The following PUS7 variants were observed in gnomAD, a reference collection of about 807,000 sequenced individuals.
PUS7 encodes the protein pseudouridylate synthase 7 homolog.
PUS7 carries 48 observed loss-of-function variants against 79.8 expected under a neutral mutation model. The observed-to-expected ratio is 0.60, with a 90% CI of 0.48 to 0.76. The LOEUF (loss-of-function observed/expected upper bound fraction) is 0.76. Among genes scored for constraint, PUS7 ranks in the 30% least tolerant of loss-of-function variants. The pLI, the probability that PUS7 is intolerant of heterozygous loss-of-function variation, is 0.00. For synonymous variants in PUS7, 286 were observed against 272.2 expected (o/e 1.05, Z -0.50); for missense variants, 729 against 797.6 (o/e 0.91, Z 1.04).
At chr7:105,507,511 A>G (rs180699350) in intron 2 of PUS7, among the ~76,000 whole-genome samples, 22 of 152,142 alleles carry the variant, frequency 1.4e-4, no homozygotes, top group African/African-American at 5.1e-4. Flanking sequence ...CAAACTCAGG[A>G]GAAAATCTGA....
intron 15 of PUS7, among the ~76,000 whole-genome samples, chr7:105,458,336 C>A (rs1389056662): frequency 3.3e-5 from 5 of 151,982 alleles, no homozygotes; most frequent in Admixed American, 2.6e-4. Context: ...TCTCAGCTCA[C>A]TGCAGCCTCC....
intron 9 of PUS7, among the ~76,000 whole-genome samples, chr7:105,478,305 T>C (rs1824187915): frequency 6.6e-6 from 1 of 152,248 alleles, no homozygotes; most frequent in Non-Finnish European, 1.5e-5. Context: ...AACTTTTGTG[T>C]GAACATATGA....
chr7:105,497,145 T>C (rs1463620355), intron 5 of PUS7, among the ~76,000 whole-genome samples: 1 of 152,374 alleles, frequency 6.6e-6, no homozygotes, highest in Non-Finnish European at 1.5e-5. Flanking sequence ...AACAATGGAA[T>C]GTTTTAGAGG....
At chr7:105,482,927 G>A (rs1169619427) in intron 7 of PUS7, among the ~76,000 whole-genome samples, 1 of 151,870 alleles carries the variant, frequency 6.6e-6, no homozygotes, top group Non-Finnish European at 1.5e-5. Flanking sequence ...TATTTTCATT[G>A]CCTGAAAAAA....
chr7:105,504,982 G>C (rs1273502211), intron 4 of PUS7, among the ~76,000 whole-genome samples: 2 of 151,502 alleles, frequency 1.3e-5, no homozygotes, highest in Admixed American at 1.3e-4. Context: ...TTAAAATGTA[G>C]TACAAAATTA....
rs1289008107 is a variant in PUS7 at position 105,499,965 on chromosome 7, C to T, written c.730+2455G>A. On this transcript the variant is annotated intron_variant, in intron 5 of 15. Transcript: ENST00000469408. ...CTTCCTCCTTTCCTAGGGGTGTTCA[C>T]TTTAGGCCACTCTCAGCTTGGGGAG... is the stretch of plus-strand genomic sequence containing the variant. 2.0e-5 allele frequency among the ~76,000 whole-genome samples: 3 copies of T among 152,300 alleles called. No homozygotes were observed. In the East Asian group the frequency reaches 5.8e-4, roughly 29 times the overall value.
Position 105,514,794 on chromosome 7 carries a change from TCA to T in PUS7, c.-32-6252_-32-6251del, listed in dbSNP as rs372814518. Among the ~76,000 whole-genome samples, 61 of 150,616 alleles carry T rather than the reference TCA, an allele frequency of 4.1e-4. 2 individuals carry two copies. The highest frequency in any genetic ancestry group is 5.0e-4 in the Non-Finnish European group (34 of 67,566). ...CCATATAATAACTAAAAATTCTCTCTCATTTTTTTTTTTTTGAGACGGAGTCT... is the reference window on the plus strand; with the variant it reads ...CCATATAATAACTAAAAATTCTCTCTTTTTTTTTTTTTTGAGACGGAGTCT... On this transcript the variant is annotated intron_variant, in intron 1 of 15. Transcript: ENST00000469408.
At chr7:105,477,019 T>C (rs1824140790) in intron 9 of PUS7, among the ~76,000 whole-genome samples, 1 of 152,234 alleles carries the variant, frequency 6.6e-6, no homozygotes, top group African/African-American at 2.4e-5. Context: ...TCTCCTATTC[T>C]GTGGGTTATC....
chr7:105,484,902 G>A (rs951551758), intron 7 of PUS7, among the ~76,000 whole-genome samples: 3 of 132,494 alleles, frequency 2.3e-5, no homozygotes, highest in Non-Finnish European at 4.6e-5. Flanking sequence ...GCTCTGTGTC[G>A]CCCAGGCTGG....
chr7:105,457,715 A>G lies in PUS7; in HGVS notation c.*75T>C. ...ATTTGAAATCCATATATGAGTCTGA[A>G]CTAAGACAAAAATGCACAGGGAGCC... On this transcript the variant is annotated 3_prime_UTR_variant, in exon 16 of 16. Coordinates refer to ENST00000469408, the MANE Select transcript of PUS7 (RefSeq NM_019042.5). 6.7e-7 allele frequency: 1 copy of G among 1,489,684 alleles called. No individual in the cohort carries two copies. The highest frequency in any genetic ancestry group is 2.3e-5 in the East Asian group (1 of 43,154). 92.3% of individuals were successfully genotyped at this position (1,489,684 alleles called of 1,614,324 possible).
At chr7:105,489,162 A>AAAAAG (rs1824680430) in intron 7 of PUS7, among the ~76,000 whole-genome samples, 1 of 151,026 alleles carries the variant, frequency 6.6e-6, no homozygotes, top group Non-Finnish European at 1.5e-5. Context: ...AAAAAAAAAA[A>AAAAAG]AAAAAAGAAA....
At chr7:105,458,422 G>A (rs1823277026) in intron 15 of PUS7, among the ~76,000 whole-genome samples, 1 of 150,496 alleles carries the variant, frequency 6.6e-6, no homozygotes, top group Non-Finnish European at 1.5e-5. Flanking sequence ...CACCACGCCC[G>A]CCTAATTTTT....
intron 1 of PUS7, among the ~76,000 whole-genome samples, chr7:105,510,543 T>C (rs1825661688): frequency 6.6e-6 from 1 of 152,110 alleles, no homozygotes; most frequent in South Asian, 2.1e-4. Context: ...AGACAGGGTC[T>C]CACTCTGTTG....
chr7:105,500,293 T>TAAC (rs765015908), intron 5 of PUS7, among the ~76,000 whole-genome samples: 5 of 152,076 alleles, frequency 3.3e-5, no homozygotes, highest in South Asian at 4.1e-4. Context: ...GGAAACTTCG[T>TAAC]AACAACAACA....
At chr7:105,458,174 C>T (rs772926747) in intron 15 of PUS7, among the ~76,000 whole-genome samples, 13 of 152,066 alleles carry the variant, frequency 8.5e-5, no homozygotes, top group African/African-American at 2.9e-4. Context: ...AAAAGAGAAA[C>T]GCATGTAAAG....
At chr7:105,483,008 A>G (rs1330031449) in intron 7 of PUS7, among the ~76,000 whole-genome samples, 3 of 152,140 alleles carry the variant, frequency 2.0e-5, no homozygotes, top group African/African-American at 7.2e-5. Flanking sequence ...TATAGCTGGA[A>G]TTCTACCCAA....
At chr7:105,507,403 A>G (rs998033675) in intron 2 of PUS7, among the ~76,000 whole-genome samples, 1 of 152,176 alleles carries the variant, frequency 6.6e-6, no homozygotes, top group African/African-American at 2.4e-5. Context: ...ACTACTAAGT[A>G]GCGAACTTCA....
At chr7:105,462,155 G>A (rs1474963038) in intron 14 of PUS7, 1 of 153,530 alleles carries the variant, frequency 6.5e-6, no homozygotes, top group Non-Finnish European at 1.4e-5. Context: ...GGTAAGGCCA[G>A]GTGTGGTGGC....
At chr7:105,479,191 A>G (rs1824221126) in intron 9 of PUS7, among the ~76,000 whole-genome samples, 1 of 152,230 alleles carries the variant, frequency 6.6e-6, no homozygotes, top group Non-Finnish European at 1.5e-5. Context: ...TCCATTCTAC[A>G]GATGAGTAAT....
Sources: allele counts gnomAD v4.1 joint callset (sites outside exome capture counted in the v4.1 genomes callset), GRCh38; gene constraint gnomAD v4.1.1; transcripts MANE v1.5; gene names NCBI Gene and HGNC (gene_info 2026-07-23, HGNC 2026-07-21).